The following CD83 variants were observed in gnomAD, a reference collection of about 807,000 sequenced individuals.
The protein encoded by CD83 is CD83 antigen.
In CD83, 22 loss-of-function variants were observed where a neutral mutation model predicts 24.6. The observed-to-expected ratio is 0.90, with a 90% CI of 0.64 to 1.28. The LOEUF is 1.28. Among genes scored for constraint, CD83 ranks in the 50% most tolerant of loss-of-function variants. The probability of loss-of-function intolerance (pLI) is 0.00; values close to 1 mark genes in which losing one functional copy is unlikely to be tolerated. For synonymous variants in CD83, 101 were observed against 103.5 expected, an observed-to-expected ratio of 0.98 and a Z score of 0.14; for missense variants, 253 against 252.8, an observed-to-expected ratio of 1.00 and a Z score of -0.01.
At position 14,122,036 on chromosome 6, in the gene CD83, G is replaced by A. The variant is rs1759682770; in HGVS notation, c.153+3971G>A. On this transcript the variant is annotated intron_variant, in intron 2 of 4. Transcript: ENST00000379153. ...AGAGGATATATGGTGTCATCTCTGGGTGATGCTGCGGGGGTGAGGAGAGTG... is the reference window on the plus strand; with the variant it reads ...AGAGGATATATGGTGTCATCTCTGGATGATGCTGCGGGGGTGAGGAGAGTG... 2.0e-5 allele frequency among the ~76,000 whole-genome samples: 3 copies of A among 152,296 alleles called. No individual in the cohort carries two copies. The East Asian group carries it at 5.8e-4, about 29-fold the overall frequency.
intron 3 of CD83, 67 bp from the exon 4 acceptor site, chr6:14,133,582 C>A: frequency 1.9e-6 from 2 of 1,074,574 alleles, no homozygotes; most frequent in Non-Finnish European, 2.8e-6. Flanking sequence ...ACAAAGCATT[C>A]TTAGCTTTTT....
chr6:14,130,448 C>T (rs924863630), intron 2 of CD83, among the ~76,000 whole-genome samples: 3 of 152,138 alleles, frequency 2.0e-5, no homozygotes, highest in Non-Finnish European at 2.9e-5. Flanking sequence ...AAGCAAGCCG[C>T]GCACGGTGGC....
intron 2 of CD83, among the ~76,000 whole-genome samples, chr6:14,125,802 A>T (rs1759794974): frequency 6.6e-6 from 1 of 152,252 alleles, no homozygotes; most frequent in Non-Finnish European, 1.5e-5. Flanking sequence ...GCTTTAAAAA[A>T]TACAGAATGT....
rs1758056156 is a variant in CD83, at chr6:14,136,529, C to G, written c.*1293C>G. The G allele has an allele frequency of 6.6e-6, 1 of 152,186 alleles. No individual in the cohort carries two copies. Among genetic ancestry groups the G allele is most frequent in the Non-Finnish European group, 1.5e-5 (1 of 68,040 alleles). 9.4% of individuals were successfully genotyped at this position (152,186 alleles called of 1,614,324 possible). On this transcript the variant is annotated 3_prime_UTR_variant, in exon 5 of 5. Transcript: ENST00000379153. ...TGGCTTTCCCTTATCAAACTTGGGC[C>G]CTTCCCTTCTTGGTTTCCAAAGGCA...
chr6:14,126,639 G>C (rs1002880902), intron 2 of CD83, among the ~76,000 whole-genome samples: 1 of 152,034 alleles, frequency 6.6e-6, no homozygotes, highest in Admixed American at 6.6e-5. Context: ...ATAAAACTAC[G>C]CATAGAAAAA....
In CD83 at chr6:14,117,922, C is replaced by T. The variant is rs1428560261; in HGVS notation, c.38-28C>T. The T allele has an allele frequency of 6.3e-7, 1 of 1,595,580 alleles. No homozygotes were observed. Among genetic ancestry groups the T allele is most frequent in the Non-Finnish European group, 8.5e-7 (1 of 1,174,186 alleles). On this transcript the variant is annotated intron_variant, in intron 1 of 4. Transcript: ENST00000379153. The surrounding 1 kb of genome is among the most constrained non-coding windows in gnomAD (Gnocchi z 4.6). ...GACACCCCCTCCCGTCGGTCGCTTG[C>T]TCACGACGCGCTCTCTCTTTCTTGT...
At chr6:14,130,449 G>T (rs1243043467) in intron 2 of CD83, among the ~76,000 whole-genome samples, 1 of 152,214 alleles carries the variant, frequency 6.6e-6, no homozygotes, top group African/African-American at 2.4e-5. Context: ...AGCAAGCCGC[G>T]CACGGTGGCT....
At position 14,129,584 on chromosome 6, in the gene CD83, A is replaced by G. The variant is rs1759899037; in HGVS notation, c.154-1936A>G. 6.6e-6 allele frequency among the ~76,000 whole-genome samples: 1 copy of G among 152,094 alleles called. No homozygotes were observed. Among genetic ancestry groups the G allele is most frequent in the Non-Finnish European group, 1.5e-5 (1 of 68,010 alleles). ...TAGATTCTTGATTATTTAGGAAGGAATCTTTCCACACAAAAAGGACCATCA... is the reference window on the plus strand; with the variant it reads ...TAGATTCTTGATTATTTAGGAAGGAGTCTTTCCACACAAAAAGGACCATCA... On this transcript the variant is annotated intron_variant, in intron 2 of 4. Transcript: ENST00000379153. This position sits in a 1 kb window ranked among gnomAD's most constrained non-coding sequence, Gnocchi z 4.3.
intron 2 of CD83, among the ~76,000 whole-genome samples, chr6:14,119,500 G>A (rs967629655): frequency 1.3e-5 from 2 of 152,212 alleles, no homozygotes; most frequent in African/African-American, 2.4e-5. Flanking sequence ...GATTAGTACT[G>A]TTACTATTCC....
At chr6:14,132,112 T>G (rs1193866561) in intron 3 of CD83, among the ~76,000 whole-genome samples, 1 of 152,242 alleles carries the variant, frequency 6.6e-6, no homozygotes, top group African/African-American at 2.4e-5. Context: ...AAGGGGGCAG[T>G]GTGTGCTTTT....
chr6:14,126,865 A>G (rs910263668), intron 2 of CD83, among the ~76,000 whole-genome samples: 1 of 152,226 alleles, frequency 6.6e-6, no homozygotes. Context: ...ATTTAATACC[A>G]ACTTTAAATC....
At chr6:14,121,116 A>G (rs1379757710) in intron 2 of CD83, among the ~76,000 whole-genome samples, 1 of 152,182 alleles carries the variant, frequency 6.6e-6, no homozygotes, top group East Asian at 1.9e-4. Flanking sequence ...TGGGTGATTG[A>G]GAAGAAATAG....
chr6:14,118,908 A>G (rs1014007713), intron 2 of CD83, among the ~76,000 whole-genome samples: 3 of 152,230 alleles, frequency 2.0e-5, no homozygotes, highest in African/African-American at 7.2e-5. Context: ...TGAATATGAT[A>G]TTACAACCTT....
chr6:14,120,565 G>A (rs1759648574), intron 2 of CD83, among the ~76,000 whole-genome samples: 1 of 152,182 alleles, frequency 6.6e-6, no homozygotes, highest in Non-Finnish European at 1.5e-5. Flanking sequence ...TGTTTTGCCA[G>A]CTTAGGAGGG....
At chr6:14,117,564 C>T (rs1759555167), upstream of CD83, 3 of 133,640 alleles carry the variant, frequency 2.2e-5, no homozygotes, top group Non-Finnish European at 3.2e-5. The surrounding 1 kb of genome is among the most constrained non-coding windows in gnomAD (Gnocchi z 4.6). Flanking sequence ...GGCGGGGACG[C>T]GCACGCGGCG....
At chr6:14,133,524 C>A (rs560348561) in intron 3 of CD83, 125 bp from the exon 4 acceptor site, 2 of 655,188 alleles carry the variant, frequency 3.1e-6, no homozygotes, top group Admixed American at 5.2e-5. Flanking sequence ...TACTGTCGTT[C>A]ATCCTGATGG....
chr6:14,118,998 G>A (rs1014671176), intron 2 of CD83, among the ~76,000 whole-genome samples: 4 of 152,158 alleles, frequency 2.6e-5, no homozygotes, highest in Non-Finnish European at 5.9e-5. Flanking sequence ...AATGCAGGGC[G>A]TTCTTCTGCC....
Position 14,133,668 on chromosome 6 carries a change from A to C in CD83, c.402A>C (p.Lys134Asn), listed in dbSNP as rs753945558. The C allele has an allele frequency of 6.2e-7, 1 of 1,613,190 alleles. No individual in the cohort carries two copies. The highest frequency in any genetic ancestry group is 1.1e-5 in the South Asian group (1 of 91,016). The change falls in exon 4 of 5, where the codon AAA becomes AAC. Residue 134 changes from lysine (K) to asparagine (N), a missense_variant. Transcript: ENST00000379153. ...TTAAAGGATGCCCTGCACAGCGTAA[A>C]GAAGAGACTTTTAAGAAATACAGAG... ...LRVTGCPAQR[K>N]EETFKKYRAE...
At chr6:14,123,550 A>G (rs1185923302) in intron 2 of CD83, among the ~76,000 whole-genome samples, 2 of 152,058 alleles carry the variant, frequency 1.3e-5, no homozygotes, top group Non-Finnish European at 2.9e-5. Context: ...CCTCTTGGTC[A>G]CCAGTCCTGT....
Sources: allele counts gnomAD v4.1 joint callset (sites outside exome capture counted in the v4.1 genomes callset), GRCh38; gene constraint gnomAD v4.1.1; non-coding constraint Gnocchi (gnomAD v3.1); transcripts MANE v1.5; gene names NCBI Gene and HGNC (gene_info 2026-07-23, HGNC 2026-07-21).